SNAP47: variants seen among roughly 807,000 people sequenced by gnomAD.
SNAP47 encodes the protein synaptosomal-associated protein 47.
Under a neutral mutation model 31.4 loss-of-function variants are expected in SNAP47, and 20 were observed. The observed-to-expected ratio is 0.64, with a 90% CI of 0.45 to 0.93. The LOEUF is 0.93. SNAP47 is among the 40% of genes least tolerant of loss of function. SNAP47 has a pLI of 0.00. For missense variants in SNAP47, 492 were observed against 528.5 expected (o/e 0.93, Z 0.68); for synonymous variants, 194 against 213.4 (o/e 0.91, Z 0.79).
In SNAP47 at chr1:227,739,317, G is replaced by A. The variant is rs895703535; in HGVS notation, c.-46+3818G>A. ...TGAGATTACAGGTATGAGCCACTGT[G>A]CCTGGCCAGGACGGGTTTTAAGTCA... is the stretch of plus-strand genomic sequence containing the variant. On this transcript the variant is annotated intron_variant, in intron 1 of 4. Coordinates refer to ENST00000617596, the MANE Select transcript of SNAP47 (RefSeq NM_053052.4). Among the ~76,000 whole-genome samples, 12 of 152,300 alleles carry A rather than the reference G, an allele frequency of 7.9e-5. 1 individual carries two copies. The highest frequency in any genetic ancestry group is 2.4e-4 in the African/African-American group (10 of 41,556).
chr1:227,764,390 C>T lies in SNAP47; in HGVS notation c.989-2569C>T, dbSNP rs943531146. Among the ~76,000 whole-genome samples, 6 of 152,140 alleles carry T rather than the reference C, an allele frequency of 3.9e-5. No homozygotes were observed. The East Asian group carries it at 7.7e-4, about 20-fold the overall frequency. On this transcript the variant is annotated intron_variant, in intron 3 of 4. Transcript: ENST00000617596. ...AGTCCTATTTGTTAAAATTCCAGAA[C>T]GGCCTGAGTGTCTCTGTCACGCAGC...
chr1:227,729,109 G>C (rs903205869), intron 1 of SNAP47, among the ~76,000 whole-genome samples: 22 of 152,358 alleles, frequency 1.4e-4, no homozygotes, highest in African/African-American at 5.3e-4. Flanking sequence ...CTAGCTTCAG[G>C]ACAGGGTTTG....
At chr1:227,770,136 C>T (rs1663700762) in intron 4 of SNAP47, among the ~76,000 whole-genome samples, 1 of 152,238 alleles carries the variant, frequency 6.6e-6, no homozygotes, top group East Asian at 1.9e-4. Context: ...GACGCCTCAG[C>T]CTCCTGCCTT....
At chr1:227,729,034 C>T (rs569735998) in intron 1 of SNAP47, among the ~76,000 whole-genome samples, 1 of 152,278 alleles carries the variant, frequency 6.6e-6, no homozygotes, top group South Asian at 2.1e-4. Context: ...CTGATTAGGG[C>T]GTGGGGCCCC....
chr1:227,774,088 C>G (rs1269071517), intron 4 of SNAP47, among the ~76,000 whole-genome samples: 1 of 152,188 alleles, frequency 6.6e-6, no homozygotes, highest in Non-Finnish European at 1.5e-5. Context: ...AGGGCTGCCT[C>G]CCAGTCCGTG....
upstream of SNAP47, chr1:227,732,393 T>C: frequency 6.2e-7 from 1 of 1,612,104 alleles, no homozygotes; most frequent in South Asian, 1.1e-5. Context: ...CGACAGGTGC[T>C]ATGGGGCCGC....
intron 4 of SNAP47, among the ~76,000 whole-genome samples, chr1:227,771,693 G>T (rs1323182872): frequency 1.5e-5 from 2 of 131,242 alleles, no homozygotes; most frequent in Non-Finnish European, 3.1e-5. Context: ...GCTTTTGCGG[G>T]TGAGCCACTC....
At chr1:227,764,809 C>T (rs978785269) in intron 3 of SNAP47, among the ~76,000 whole-genome samples, 4 of 152,106 alleles carry the variant, frequency 2.6e-5, no homozygotes, top group African/African-American at 9.7e-5. Context: ...GAGGCTGAGG[C>T]AGGAGAATCC....
At chr1:227,734,064 G>A (rs555140111), upstream of SNAP47, 371 of 1,602,250 alleles carry the variant, frequency 2.3e-4, 2 homozygotes, top group South Asian at 3.8e-3. Flanking sequence ...ACCACCGACA[G>A]CACGTGAGGC....
chr1:227,737,954 G>A (rs1199211869), intron 1 of SNAP47, among the ~76,000 whole-genome samples: 1 of 152,138 alleles, frequency 6.6e-6, no homozygotes. Context: ...CAGTTGCAGA[G>A]AAAGAATCAC....
intron 4 of SNAP47, among the ~76,000 whole-genome samples, chr1:227,772,992 A>G (rs547954365): frequency 6.6e-6 from 1 of 151,730 alleles, no homozygotes; most frequent in Non-Finnish European, 1.5e-5. Context: ...ACAGGGTCTC[A>G]CTCTGTCTCC....
chr1:227,762,916 A>T lies in SNAP47; in HGVS notation c.988+3431A>T, dbSNP rs1388308454. On this transcript the variant is annotated intron_variant, in intron 3 of 4. Coordinates refer to ENST00000617596, the MANE Select transcript of SNAP47 (RefSeq NM_053052.4). The surrounding 1 kb of genome is among the most constrained non-coding windows in gnomAD (Gnocchi z 4.2). Reference sequence around the variant, plus strand: ...ACAGGGTGAGGTTTCCTTCCCACACATCCTACCAAGGGACATGCACAGTAT... The same window carrying T: ...ACAGGGTGAGGTTTCCTTCCCACACTTCCTACCAAGGGACATGCACAGTAT... Among the ~76,000 whole-genome samples, 3 of 152,184 alleles carry T rather than the reference A, an allele frequency of 2.0e-5. No individual in the cohort carries two copies. Among genetic ancestry groups the T allele is most frequent in the Non-Finnish European group, 4.4e-5 (3 of 68,024 alleles).
chr1:227,744,438 C>A (rs554985541), intron 1 of SNAP47, among the ~76,000 whole-genome samples: 1 of 152,310 alleles, frequency 6.6e-6, no homozygotes, highest in East Asian at 1.9e-4. Context: ...TAAGCCACAT[C>A]AGCGTAGAAG....
chr1:227,739,430 C>T (rs1046382633), intron 1 of SNAP47, among the ~76,000 whole-genome samples: 4 of 152,188 alleles, frequency 2.6e-5, no homozygotes, highest in African/African-American at 9.7e-5. Context: ...GTGAGGGTGT[C>T]TGCACTTTGT....
At chr1:227,735,531 G>A (rs758246128) in intron 1 of SNAP47, 32 bp downstream of exon 1, 2 of 1,366,466 alleles carry the variant, frequency 1.5e-6, no homozygotes, top group Non-Finnish European at 1.9e-6. Flanking sequence ...TTGGGCGCCC[G>A]GCCCAAGCCA....
intron 2 of SNAP47, among the ~76,000 whole-genome samples, chr1:227,748,464 T>G (rs1170006516): frequency 2.0e-5 from 3 of 152,244 alleles, no homozygotes; most frequent in Non-Finnish European, 4.4e-5. Context: ...CACCGTGAGA[T>G]CTGAGTGAGT....
At chr1:227,752,067 G>T (rs145302833) in intron 2 of SNAP47, among the ~76,000 whole-genome samples, 33 of 152,168 alleles carry the variant, frequency 2.2e-4, no homozygotes, top group African/African-American at 7.5e-4. Flanking sequence ...GCCCGGCCAA[G>T]ACTTTGTTTT....
Position 227,780,857 on chromosome 1 carries a change from C to T in SNAP47, c.*184C>T. ...CCAGGTGTGCACCATGCCTGCCTCC[C>T]ACTTGGCTGTCCCTGCTGCTGGGCA... On this transcript the variant is annotated 3_prime_UTR_variant, in exon 5 of 5. Coordinates refer to ENST00000617596, the MANE Select transcript of SNAP47 (RefSeq NM_053052.4). The T allele has an allele frequency of 1.3e-6, 1 of 764,630 alleles. No individual in the cohort carries two copies. Among genetic ancestry groups the T allele is most frequent in the Non-Finnish European group, 2.0e-6 (1 of 488,706 alleles). 47.4% of individuals were successfully genotyped at this position (764,630 alleles called of 1,614,324 possible).
intron 2 of SNAP47, among the ~76,000 whole-genome samples, chr1:227,751,266 G>C (rs556928281): frequency 6.6e-6 from 1 of 152,312 alleles, no homozygotes; most frequent in African/African-American, 2.4e-5. Flanking sequence ...CTGCTCAGCA[G>C]CTGTCTCCCA....
Sources: allele counts gnomAD v4.1 joint callset (sites outside exome capture counted in the v4.1 genomes callset), GRCh38; gene constraint gnomAD v4.1.1; non-coding constraint Gnocchi (gnomAD v3.1); transcripts MANE v1.5; gene names NCBI Gene and HGNC (gene_info 2026-07-23, HGNC 2026-07-21).